OSBPL9: variants seen among roughly 807,000 people sequenced by gnomAD.
OSBPL9 encodes oxysterol binding protein like 9.
In OSBPL9, 40 loss-of-function variants were observed where a neutral mutation model predicts 106.6. The observed-to-expected ratio is 0.38, with a 90% CI of 0.29 to 0.49. OSBPL9 has a LOEUF of 0.49. Among genes scored for constraint, OSBPL9 ranks in the 20% least tolerant of loss-of-function variants. OSBPL9 has a pLI of 0.97. For missense variants in OSBPL9, 609 were observed against 887.2 expected, an observed-to-expected ratio of 0.69 and a Z score of 3.98; for synonymous variants, 269 against 295.4, an observed-to-expected ratio of 0.91 and a Z score of 0.92.
intron 11 of OSBPL9, 36 bp downstream of exon 11, chr1:51,762,007 T>C: frequency 7.0e-7 from 1 of 1,437,880 alleles, no homozygotes; most frequent in East Asian, 2.3e-5. Flanking sequence ...GTCTCATAAC[T>C]CTATTAACAT....
intron 1 of OSBPL9, among the ~76,000 whole-genome samples, chr1:51,632,782 C>T (rs1427256050): frequency 6.6e-6 from 1 of 151,910 alleles, no homozygotes; most frequent in Non-Finnish European, 1.5e-5. Flanking sequence ...ATAGGGTCTA[C>T]CTTGGAATTT....
chr1:51,718,630 A>G (rs992073495), intron 4 of OSBPL9, among the ~76,000 whole-genome samples: 3 of 152,196 alleles, frequency 2.0e-5, no homozygotes, highest in Non-Finnish European at 2.9e-5. Context: ...AGAGGTCACA[A>G]AAGCAAGATG....
At chr1:51,621,023 C>T (rs1416054171) in intron 1 of OSBPL9, among the ~76,000 whole-genome samples, 1 of 152,092 alleles carries the variant, frequency 6.6e-6, no homozygotes, top group African/African-American at 2.4e-5. Flanking sequence ...CCCCTGTGCC[C>T]AGCCTATTAT....
chr1:51,618,929 C>A (rs538707999), intron 1 of OSBPL9, among the ~76,000 whole-genome samples: 4 of 152,306 alleles, frequency 2.6e-5, no homozygotes, highest in Admixed American at 2.6e-4. Flanking sequence ...TTACTAAAGG[C>A]AAGCTTGCAA....
At chr1:51,577,031 G>A (rs533686800), upstream of OSBPL9, 3 of 152,140 alleles carry the variant, frequency 2.0e-5, no homozygotes, top group African/African-American at 7.2e-5. Context: ...ATAGCTTGGG[G>A]TATCCTCTTG....
intron 3 of OSBPL9, among the ~76,000 whole-genome samples, chr1:51,705,400 T>TATATATATATATATATATA (rs1465007339): frequency 1.4e-4 from 5 of 34,746 alleles, no homozygotes; most frequent in African/African-American, 6.1e-4. Context: ...TATATATATA[T>TATATATATATATATATATA]TTTTTTTTTT....
At chr1:51,620,699 G>A (rs1016887490) in intron 1 of OSBPL9, among the ~76,000 whole-genome samples, 6 of 152,150 alleles carry the variant, frequency 3.9e-5, no homozygotes, top group African/African-American at 1.4e-4. Context: ...GATGAACTGG[G>A]GAGCTAAGCA....
chr1:51,560,280 A>G, the OSBPL9 span, among the ~76,000 whole-genome samples: 1 of 152,192 alleles, frequency 6.6e-6, no homozygotes, highest in East Asian at 1.9e-4. Flanking sequence ...TCAATACAGC[A>G]AAGGCTTTAG....
At chr1:51,645,918 T>G (rs1320698372) in intron 1 of OSBPL9, among the ~76,000 whole-genome samples, 1 of 152,194 alleles carries the variant, frequency 6.6e-6, no homozygotes, top group Middle Eastern at 3.2e-3. Context: ...AAAAATCACT[T>G]GATTATGTAT....
chr1:51,755,094 TTTC>T (rs1279253845), intron 8 of OSBPL9, among the ~76,000 whole-genome samples: 1 of 151,826 alleles, frequency 6.6e-6, no homozygotes, highest in East Asian at 1.9e-4. Context: ...GGCATGACTC[TTTC>T]TCTTTTTGCA....
chr1:51,717,186 C>T (rs890248134), intron 4 of OSBPL9, among the ~76,000 whole-genome samples: 6 of 152,074 alleles, frequency 3.9e-5, no homozygotes, highest in Admixed American at 1.3e-4. Context: ...AGGCTGGTCT[C>T]GAACTCCTGG....
chr1:51,699,845 G>A (rs560771452), intron 3 of OSBPL9, among the ~76,000 whole-genome samples: 1 of 152,296 alleles, frequency 6.6e-6, no homozygotes, highest in Admixed American at 6.5e-5. Flanking sequence ...TACATACATA[G>A]GGGTGTGCTT....
intron 4 of OSBPL9, chr1:51,740,276 C>G: frequency 7.1e-7 from 1 of 1,406,808 alleles, no homozygotes; most frequent in Non-Finnish European, 9.3e-7. Context: ...ATCTGTGATG[C>G]ATGTCATCTC....
intron 1 of OSBPL9, among the ~76,000 whole-genome samples, chr1:51,625,969 T>C (rs1644741891): frequency 6.6e-6 from 1 of 152,264 alleles, no homozygotes; most frequent in African/African-American, 2.4e-5. Flanking sequence ...GTTAAAATTA[T>C]TGTAAAAGTT....
intron 4 of OSBPL9, among the ~76,000 whole-genome samples, chr1:51,719,922 G>A (rs1052576477): frequency 6.6e-6 from 1 of 152,174 alleles, no homozygotes; most frequent in African/African-American, 2.4e-5. Context: ...CTCATCGTTA[G>A]GGTATAGATT....
chr1:51,559,021 G>T, the OSBPL9 span, among the ~76,000 whole-genome samples: 5 of 152,030 alleles, frequency 3.3e-5, no homozygotes, highest in African/African-American at 9.7e-5. Context: ...TTCCACCAAA[G>T]AAAAAAAGGT....
intron 4 of OSBPL9, chr1:51,730,113 C>T: frequency 8.0e-7 from 1 of 1,250,418 alleles, no homozygotes; most frequent in Non-Finnish European, 1.0e-6. Context: ...CTCCTTCCCG[C>T]CGCCCCCTGG....
chr1:51,595,806 G>A (rs749810224), intron 1 of OSBPL9, among the ~76,000 whole-genome samples: 1 of 152,110 alleles, frequency 6.6e-6, no homozygotes. Context: ...TGTGAGGAGG[G>A]TGTTATCATG....
chr1:51,537,789 C>G, the OSBPL9 span, among the ~76,000 whole-genome samples: 2 of 152,258 alleles, frequency 1.3e-5, no homozygotes, highest in African/African-American at 2.4e-5. Flanking sequence ...GAACCTCCTA[C>G]TTTGGCCTCC....
Sources: gnomAD v4.1 joint callset for allele counts (sites outside exome capture counted in the v4.1 genomes callset) on GRCh38, gnomAD v4.1.1 for gene constraint, MANE v1.5 for transcripts, NCBI Gene and HGNC (gene_info 2026-07-23, HGNC 2026-07-21) for gene names.